The following ASIC2 variants were observed in gnomAD, a reference collection of about 807,000 sequenced individuals.
ASIC2 encodes acid-sensing ion channel 2.
A neutral mutation model predicts 57.3 loss-of-function variants in ASIC2; 25 were observed. The observed-to-expected ratio is 0.44, with a 90% confidence interval of 0.32 to 0.61. The LOEUF (loss-of-function observed/expected upper bound fraction) is 0.61. ASIC2 is among the 20% of genes least tolerant of loss of function. The pLI, the probability that ASIC2 is intolerant of heterozygous loss-of-function variation, is 0.06. For synonymous variants in ASIC2, 319 were observed against 307.5 expected (o/e 1.04, Z -0.39); for missense variants, 641 against 738.1 (o/e 0.87, Z 1.52).
chr17:33,030,254 A>AT (rs1325870932), intron 3 of ASIC2, among the ~76,000 whole-genome samples: 1 of 152,168 alleles, frequency 6.6e-6, no homozygotes, highest in Non-Finnish European at 1.5e-5. Flanking sequence ...AATCCCCAGA[A>AT]TTTCCTATTT....
chr17:33,724,835 TAC>T (rs10685018), intron 1 of ASIC2, among the ~76,000 whole-genome samples: 13 of 150,628 alleles, frequency 8.6e-5, no homozygotes, highest in South Asian at 2.1e-4. Context: ...CCCCAACACA[TAC>T]ACACACACAC....
chr17:33,570,893 C>T (rs115368172), intron 1 of ASIC2, among the ~76,000 whole-genome samples: 251 of 152,216 alleles, frequency 1.6e-3, no homozygotes, highest in African/African-American at 5.9e-3. Flanking sequence ...GGAGTATAAA[C>T]GCAGATGCTT....
chr17:33,650,464 T>G (rs181767480), intron 1 of ASIC2, among the ~76,000 whole-genome samples: 1 of 152,264 alleles, frequency 6.6e-6, no homozygotes, highest in Admixed American at 6.5e-5. Context: ...GACCCAGCAA[T>G]TGCACCTCTG....
At chr17:34,087,060 G>C (rs1468338596) in intron 1 of ASIC2, among the ~76,000 whole-genome samples, 1 of 151,756 alleles carries the variant, frequency 6.6e-6, no homozygotes, top group African/African-American at 2.4e-5. Context: ...ATATCGTTCT[G>C]TGTGAATTTG....
intron 2 of ASIC2, among the ~76,000 whole-genome samples, chr17:33,100,796 A>G (rs895831584): frequency 6.6e-6 from 1 of 152,152 alleles, no homozygotes; most frequent in Non-Finnish European, 1.5e-5. Context: ...ATGAGGTCTG[A>G]GGTTGGGGCT....
At chr17:33,406,582 T>C (rs1057237540) in intron 1 of ASIC2, among the ~76,000 whole-genome samples, 8 of 152,216 alleles carry the variant, frequency 5.3e-5, no homozygotes, top group Non-Finnish European at 1.2e-4. Flanking sequence ...TTTCCTTGAT[T>C]ATAAGATGAG....
Position 33,804,542 on chromosome 17 carries a change from A to G in ASIC2, c.555+351436T>C, listed in dbSNP as rs964102010. Among the ~76,000 whole-genome samples the G allele has an allele frequency of 8.5e-5, 13 of 152,328 alleles. No homozygotes were observed. The East Asian group carries it at 1.2e-3, about 14-fold the overall frequency. On this transcript the variant is annotated intron_variant, in intron 1 of 9. Coordinates refer to the ASIC2 transcript ENST00000359872. Reference sequence around the variant, plus strand: ...AAAGCAAAAGTCTCCGCCCATTACCAAGAGCTTTGCTGGTGCTGGGTGCTG... The same window carrying G: ...AAAGCAAAAGTCTCCGCCCATTACCGAGAGCTTTGCTGGTGCTGGGTGCTG...
chr17:33,854,991 C>G (rs1913881402), intron 1 of ASIC2, among the ~76,000 whole-genome samples: 1 of 152,170 alleles, frequency 6.6e-6, no homozygotes. Flanking sequence ...TAGGGGCCAA[C>G]TGAGTTAGAA....
At chr17:33,534,400 G>A (rs763793792) in intron 1 of ASIC2, 2 of 152,122 alleles carry the variant, frequency 1.3e-5, no homozygotes, top group Admixed American at 6.5e-5. Context: ...CTCTGCTCAC[G>A]AGGCAGGAGC....
At chr17:33,683,359 C>T (rs546960397) in intron 1 of ASIC2, among the ~76,000 whole-genome samples, 1 of 152,188 alleles carries the variant, frequency 6.6e-6, no homozygotes, top group Non-Finnish European at 1.5e-5. Flanking sequence ...AGCCACCGCA[C>T]CTTGCCTAAT....
At chr17:33,400,313 G>A (rs1162674946) in intron 1 of ASIC2, among the ~76,000 whole-genome samples, 1 of 152,188 alleles carries the variant, frequency 6.6e-6, no homozygotes, top group Non-Finnish European at 1.5e-5. Flanking sequence ...AGTGCTCAGG[G>A]AATCTGTCAG....
intron 7 of ASIC2, among the ~76,000 whole-genome samples, chr17:33,020,688 T>C (rs895039190): frequency 6.6e-6 from 1 of 152,170 alleles, no homozygotes; most frequent in Non-Finnish European, 1.5e-5. Flanking sequence ...AGAGTGGCCC[T>C]TCATTTGTGT....
intron 1 of ASIC2, among the ~76,000 whole-genome samples, chr17:33,379,076 A>G (rs1909383929): frequency 6.6e-6 from 1 of 152,250 alleles, no homozygotes. Flanking sequence ...GGAGCATTAA[A>G]TGAGATAACA....
At chr17:33,954,701 G>C (rs1323933612) in intron 1 of ASIC2, among the ~76,000 whole-genome samples, 4 of 152,198 alleles carry the variant, frequency 2.6e-5, no homozygotes, top group Middle Eastern at 3.2e-3. Context: ...CTGCCACGAA[G>C]CTGTGAGTGT....
At chr17:33,043,580 A>G (rs1315468030) in intron 3 of ASIC2, among the ~76,000 whole-genome samples, 1 of 152,236 alleles carries the variant, frequency 6.6e-6, no homozygotes, top group Non-Finnish European at 1.5e-5. Context: ...ATTTGATTGA[A>G]ATTGGAACTG....
chr17:33,354,069 C>T (rs759132655), intron 1 of ASIC2, among the ~76,000 whole-genome samples: 1 of 152,154 alleles, frequency 6.6e-6, no homozygotes, highest in South Asian at 2.1e-4. Flanking sequence ...TGCAGGGGAA[C>T]TCATCTTTAT....
intron 1 of ASIC2, among the ~76,000 whole-genome samples, chr17:33,283,026 G>T (rs1456128358): frequency 6.6e-6 from 1 of 152,206 alleles, no homozygotes; most frequent in African/African-American, 2.4e-5. Flanking sequence ...GCCTACACAT[G>T]GCCTTTGCAC....
chr17:33,549,370 TGTGGCTTGG>T (rs764761829), intron 1 of ASIC2, among the ~76,000 whole-genome samples: 1 of 152,138 alleles, frequency 6.6e-6, no homozygotes, highest in Non-Finnish European at 1.5e-5. Context: ...AGAAAGCATT[TGTGGCTTGG>T]GGTCCGTGCA....
At chr17:33,630,695 G>A (rs1251831953) in intron 1 of ASIC2, among the ~76,000 whole-genome samples, 1 of 152,172 alleles carries the variant, frequency 6.6e-6, no homozygotes, top group Non-Finnish European at 1.5e-5. Flanking sequence ...ATATGGAAAA[G>A]ATAATAGTAC....
Sources: gnomAD v4.1 joint callset for allele counts (sites outside exome capture counted in the v4.1 genomes callset) on GRCh38, gnomAD v4.1.1 for gene constraint, MANE v1.5 for transcripts, NCBI Gene and HGNC (gene_info 2026-07-23, HGNC 2026-07-21) for gene names.